PCYT1B: variants seen among roughly 807,000 people sequenced by gnomAD.
PCYT1B encodes choline-phosphate cytidylyltransferase B.
A neutral mutation model predicts 26.4 loss-of-function variants in PCYT1B; 10 were observed. The ratio of observed to expected loss-of-function variants is 0.38; its 90% CI spans 0.23 to 0.64. The LOEUF (loss-of-function observed/expected upper bound fraction) is 0.64, where lower values mean the gene tolerates loss of function less well. Among genes scored for constraint, PCYT1B ranks in the 30% least tolerant of loss-of-function variants. The pLI, the probability that PCYT1B is intolerant of heterozygous loss-of-function variation, is 0.56. For missense variants in PCYT1B, 161 were observed against 292.7 expected (o/e 0.55, Z 3.28); for synonymous variants, 131 against 108.4 (o/e 1.21, Z -1.29).
chrX:24,642,171 G>A (rs1172303392), intron 1 of PCYT1B, among the ~76,000 whole-genome samples: 1 of 112,884 alleles, frequency 8.9e-6, no homozygotes, highest in Non-Finnish European at 1.9e-5. Context: ...AAACGGAAAT[G>A]CCCCTTTAGG....
Position 24,663,522 on chromosome X carries a change from T to C in PCYT1B, c.63+9048A>G, listed in dbSNP as rs998468526. Reference sequence around the variant, plus strand: ...AATGCAAAGAGCCCTTCTTGTTATCTGGACAAGTAATTTTGATCTAGTCGA... The same window carrying C: ...AATGCAAAGAGCCCTTCTTGTTATCCGGACAAGTAATTTTGATCTAGTCGA... On this transcript the variant is annotated intron_variant, in intron 1 of 7. Transcript: ENST00000379145. Among the ~76,000 whole-genome samples, 6 of 112,732 alleles carry C rather than the reference T, an allele frequency of 5.3e-5. No individual in the cohort carries two copies. The Admixed American group carries it at 5.7e-4, about 11-fold the overall frequency.
chrX:24,637,596 G>T (rs753312442), intron 1 of PCYT1B, among the ~76,000 whole-genome samples: 1 of 101,472 alleles, frequency 9.9e-6, no homozygotes, highest in African/African-American at 3.8e-5. Context: ...CCTGGGAGGC[G>T]GAGGTTGCAG....
rs376243161 is a variant in PCYT1B, at chrX:24,600,056, C to T, written c.334+7689G>A. On this transcript the variant is annotated intron_variant, in intron 3 of 7. Coordinates refer to ENST00000379144, the MANE Select transcript of PCYT1B (RefSeq NM_004845.5). ...CCTAGTAGCTGGGACTACAGGTGCACGCCTGGCTAGTATTTTTGTATTTTT... is the reference window on the plus strand; with the variant it reads ...CCTAGTAGCTGGGACTACAGGTGCATGCCTGGCTAGTATTTTTGTATTTTT... Among the ~76,000 whole-genome samples the T allele has an allele frequency of 6.3e-5, 7 of 110,274 alleles. No individual in the cohort carries two copies. The South Asian group carries it at 2.0e-3, about 31-fold the overall frequency.
chrX:24,567,560 T>C (rs927108745), intron 7 of PCYT1B, among the ~76,000 whole-genome samples: 1 of 112,432 alleles, frequency 8.9e-6, no homozygotes, highest in Non-Finnish European at 1.9e-5. Context: ...GGTTTCCATT[T>C]ATAATGTTTT....
chrX:24,651,373 T>G (rs1465262103), upstream of PCYT1B, among the ~76,000 whole-genome samples: 1 of 97,155 alleles, frequency 1.0e-5, no homozygotes, highest in East Asian at 3.3e-4. Context: ...GAGAATCGCT[T>G]GAACCTCGGA....
rs1275088079 is a variant in PCYT1B, at chrX:24,559,428, AG to A, written c.*2864del. The A allele has an allele frequency of 9.1e-5, 4 of 43,984 alleles. No individual in the cohort carries two copies. The highest frequency in any genetic ancestry group is 1.6e-4 in the Non-Finnish European group (3 of 18,777). 3.6% of individuals were successfully genotyped at this position (43,984 alleles called of 1,213,427 possible). ...AAAAGAGGAAAGAAAAAGAGAAAGAAGAAAGAAAAAGAAAGAGAGAGAGAGA... is the reference window on the plus strand; with the variant it reads ...AAAAGAGGAAAGAAAAAGAGAAAGAAAAAGAAAAAGAAAGAGAGAGAGAGA... On this transcript the variant is annotated 3_prime_UTR_variant, in exon 8 of 8. Transcript: ENST00000379144.
intron 2 of PCYT1B, among the ~76,000 whole-genome samples, chrX:24,610,510 T>C (rs780267802): frequency 2.0e-4 from 22 of 111,992 alleles, no homozygotes; most frequent in Non-Finnish European, 3.6e-4. Flanking sequence ...GTGAATTCAA[T>C]TGAGGAAAAT....
At chrX:24,562,641 G>A (rs1029541028) in intron 7 of PCYT1B, 136 bp from the exon 8 acceptor site, 7 of 511,934 alleles carry the variant, frequency 1.4e-5, no homozygotes, top group Middle Eastern at 5.2e-4. Context: ...ACCACATCCC[G>A]TGTTGTCCAA....
At chrX:24,596,674 A>G (rs1315772661) in intron 3 of PCYT1B, among the ~76,000 whole-genome samples, 1 of 110,225 alleles carries the variant, frequency 9.1e-6, no homozygotes, top group Non-Finnish European at 1.9e-5. Context: ...CCTAAGGTTG[A>G]GAAATAGACT....
In PCYT1B at chrX:24,590,153, T is replaced by C; in HGVS notation, c.356A>G (p.His119Arg). The change falls in exon 4 of 8, where the codon CAC becomes CGC. Residue 119 changes from histidine (H) to arginine (R), a missense_variant. Physicochemically the swap from His to Arg is conservative, Grantham distance 29. Coordinates refer to ENST00000379144, the MANE Select transcript of PCYT1B (RefSeq NM_004845.5). Reference sequence around the variant, plus strand: ...CATCACGGTGAAACCTTTGAATTTGTGGGTGAGATCATCACTGCAAACTAA... The same window carrying C: ...CATCACGGTGAAACCTTTGAATTTGCGGGTGAGATCATCACTGCAAACTAA... ...LVGVCSDDLT[H>R]KFKGFTVMNE... The C allele has an allele frequency of 8.3e-7, 1 of 1,210,142 alleles. No homozygotes were observed.
intron 4 of PCYT1B, among the ~76,000 whole-genome samples, chrX:24,589,354 C>G (rs1008298763): frequency 1.8e-5 from 2 of 111,679 alleles, no homozygotes; most frequent in Non-Finnish European, 3.8e-5. Context: ...AGAATAGCTC[C>G]TAATGTGGGG....
chrX:24,563,997 C>T (rs1290861558), intron 7 of PCYT1B, among the ~76,000 whole-genome samples: 1 of 110,867 alleles, frequency 9.0e-6, no homozygotes, highest in Non-Finnish European at 1.9e-5. Context: ...TCCTGGCCAA[C>T]ATGGTGAAAC....
At chrX:24,629,576 A>AAAAAC (rs1925989867) in intron 1 of PCYT1B, among the ~76,000 whole-genome samples, 1 of 101,481 alleles carries the variant, frequency 9.9e-6, no homozygotes, top group Non-Finnish European at 2.0e-5. Flanking sequence ...AAAAAAAAAA[A>AAAAAC]AAAAAAAAAA....
chrX:24,591,643 G>A (rs1924571111), intron 3 of PCYT1B, among the ~76,000 whole-genome samples: 1 of 110,529 alleles, frequency 9.0e-6, no homozygotes, highest in African/African-American at 3.3e-5. Context: ...GGCTGGTCTC[G>A]AACTCCTGAC....
At chrX:24,652,752 A>G (rs1248582856) in intron 1 of PCYT1B, among the ~76,000 whole-genome samples, 2 of 110,708 alleles carry the variant, frequency 1.8e-5, no homozygotes, top group Non-Finnish European at 1.9e-5. Context: ...CTACCTTCCT[A>G]CAAGCAGTCC....
chrX:24,626,788 T>A (rs1469479018), intron 1 of PCYT1B, among the ~76,000 whole-genome samples: 1 of 112,259 alleles, frequency 8.9e-6, no homozygotes, highest in Non-Finnish European at 1.9e-5. Context: ...GTAATTCATT[T>A]TTCTAACATC....
chrX:24,615,670 G>T (rs1925466800), intron 2 of PCYT1B, among the ~76,000 whole-genome samples: 1 of 111,139 alleles, frequency 9.0e-6, no homozygotes, highest in Non-Finnish European at 1.9e-5. Context: ...CATCATGTTG[G>T]CCAAGGTGGT....
chrX:24,652,404 C>T (rs1159810547), intron 1 of PCYT1B, among the ~76,000 whole-genome samples: 1 of 110,154 alleles, frequency 9.1e-6, no homozygotes, highest in African/African-American at 3.3e-5. Context: ...ACTAAAAATA[C>T]AAAAATTAGC....
chrX:24,638,697 G>A (rs1005352330), intron 1 of PCYT1B, among the ~76,000 whole-genome samples: 2 of 111,766 alleles, frequency 1.8e-5, no homozygotes, highest in Non-Finnish European at 3.8e-5. Flanking sequence ...AGCTAAAGAT[G>A]TAAGAGTTTT....
Sources: gnomAD v4.1 joint callset for allele counts (sites outside exome capture counted in the v4.1 genomes callset) on GRCh38, gnomAD v4.1.1 for gene constraint, MANE v1.5 for transcripts, NCBI Gene and HGNC (gene_info 2026-07-23, HGNC 2026-07-21) for gene names.